The following PI4KA variants were observed in gnomAD, a reference collection of about 807,000 sequenced individuals.
The protein encoded by PI4KA is PI4-kinase alpha.
In PI4KA, 122 loss-of-function variants were observed where a neutral mutation model predicts 271.4. The observed-to-expected ratio is 0.45, with a 90% CI of 0.39 to 0.52. PI4KA has a LOEUF of 0.52. PI4KA is among the 20% of genes least tolerant of loss of function. The pLI, the probability that PI4KA is intolerant of heterozygous loss-of-function variation, is 0.00. For missense variants in PI4KA, 1,969 were observed against 2,769.1 expected, an observed-to-expected ratio of 0.71 and a Z score of 6.48; for synonymous variants, 1,041 against 1,078.8, an observed-to-expected ratio of 0.96 and a Z score of 0.69.
intron 52 of PI4KA, chr22:20,710,230 C>T (rs1925077621): frequency 1.7e-6 from 1 of 597,560 alleles, no homozygotes; most frequent in African/African-American, 1.9e-5. Flanking sequence ...GTGTCCTGCC[C>T]TGTCCCCCAC....
chr22:20,712,639 C>T (rs1335136672), intron 49 of PI4KA, 28 bp from the exon 50 acceptor site: 6 of 1,566,828 alleles, frequency 3.8e-6, no homozygotes, highest in African/African-American at 2.7e-5. Flanking sequence ...TTCTGAGGCC[C>T]GCTGGGTGCG....
chr22:20,715,984 G>A (rs1198806721), intron 45 of PI4KA, among the ~76,000 whole-genome samples: 1 of 152,034 alleles, frequency 6.6e-6, no homozygotes, highest in East Asian at 1.9e-4. Flanking sequence ...TCCACCTCCT[G>A]GGTTCAAGTG....
At chr22:20,718,642 C>A in intron 44 of PI4KA, 51 bp downstream of exon 44, 1 of 1,601,172 alleles carries the variant, frequency 6.2e-7, no homozygotes, top group Non-Finnish European at 8.5e-7. Flanking sequence ...TGTTAAGCTG[C>A]AGGGACTGGA....
At chr22:20,839,989 A>T (rs1925354702) in intron 1 of PI4KA, among the ~76,000 whole-genome samples, 1 of 152,212 alleles carries the variant, frequency 6.6e-6, no homozygotes, top group Non-Finnish European at 1.5e-5. Flanking sequence ...TAATGAGTCA[A>T]TCACTGAAGC....
At chr22:20,767,658 GGA>G (rs1429390238) in intron 19 of PI4KA, among the ~76,000 whole-genome samples, 2 of 149,044 alleles carry the variant, frequency 1.3e-5, no homozygotes, top group Non-Finnish European at 3.0e-5. Flanking sequence ...TTTTTGAGAT[GGA>G]GTCTTGCTCT....
intron 43 of PI4KA, among the ~76,000 whole-genome samples, chr22:20,719,206 T>C (rs1195114907): frequency 1.3e-5 from 2 of 151,818 alleles, no homozygotes; most frequent in Non-Finnish European, 2.9e-5. Flanking sequence ...GGTGAAGCAA[T>C]GAAAACTAAT....
chr22:20,834,827 T>C (rs1924654810), intron 2 of PI4KA, among the ~76,000 whole-genome samples, 172 bp from the exon 3 acceptor site: 1 of 152,206 alleles, frequency 6.6e-6, no homozygotes, highest in Admixed American at 6.5e-5. Flanking sequence ...TCCATTCCTG[T>C]TTTCACACTG....
chr22:20,834,423 A>G, intron 3 of PI4KA, 139 bp downstream of exon 3: 4 of 682,592 alleles, frequency 5.9e-6, no homozygotes, highest in Non-Finnish European at 1.1e-5. Flanking sequence ...CTCAGCCCAC[A>G]ATGCTGCAGG....
chr22:20,712,365 G>C, intron 50 of PI4KA, 121 bp downstream of exon 50: 1 of 1,549,668 alleles, frequency 6.5e-7, no homozygotes, highest in Non-Finnish European at 8.7e-7. Context: ...CAGGTGCCCT[G>C]GTTTTAACCC....
Position 20,798,684 on chromosome 22 carries a change from A to G in PI4KA, c.2008T>C (p.Tyr670His). 3 of 1,608,586 alleles carry G rather than the reference A, an allele frequency of 1.9e-6. No individual in the cohort carries two copies. The South Asian group carries it at 3.3e-5, about 18-fold the overall frequency. ...AGGTTCCACACTTCCTGATAGATGT[A>G]TTGCTGGGAGAGAGCAAGATGCACT... ...LGCLVITGNQ[Y>H]IYQEVWNLFQ... The change falls in exon 17 of 55, where the codon TAC (tyrosine) becomes CAC (histidine). Residue 670 changes from tyrosine (Y) to histidine (H), a missense_variant. Coordinates refer to ENST00000255882, the MANE Select transcript of PI4KA (RefSeq NM_058004.4).
At chr22:20,729,856 G>A (rs746298826) in intron 37 of PI4KA, 36 bp downstream of exon 37, 3 of 1,613,054 alleles carry the variant, frequency 1.9e-6, no homozygotes, top group Admixed American at 3.3e-5. Flanking sequence ...ATGATAGCTT[G>A]CATGTGATGG....
intron 2 of PI4KA, among the ~76,000 whole-genome samples, chr22:20,838,096 G>A (rs1171442191): frequency 1.3e-5 from 2 of 151,444 alleles, no homozygotes; most frequent in African/African-American, 2.4e-5. Flanking sequence ...ACTCCAGCCT[G>A]GGTGACAAAG....
chr22:20,712,829 G>T (rs766999450), intron 48 of PI4KA, 32 bp from the exon 49 acceptor site: 1 of 1,550,544 alleles, frequency 6.4e-7, no homozygotes, highest in African/African-American at 1.4e-5. Flanking sequence ...GATGCGGTCA[G>T]TTGGCGTCCT....
At chr22:20,798,792 A>G in intron 16 of PI4KA, 105 bp from the exon 17 acceptor site, 2 of 790,420 alleles carry the variant, frequency 2.5e-6, no homozygotes, top group South Asian at 1.4e-5. Flanking sequence ...ACAACAGCCC[A>G]AAGACTATCA....
chr22:20,719,175 G>A (rs908204641), intron 43 of PI4KA, among the ~76,000 whole-genome samples: 3 of 151,938 alleles, frequency 2.0e-5, no homozygotes, highest in African/African-American at 7.3e-5. Flanking sequence ...AAAAAAGCCC[G>A]TGTCATTTAT....
intron 19 of PI4KA, chr22:20,774,206 C>G (rs1187811526): frequency 6.6e-6 from 1 of 152,144 alleles, no homozygotes; most frequent in Non-Finnish European, 1.5e-5. Flanking sequence ...TACGGATAGG[C>G]AACTGGTTCA....
At position 20,717,971 on chromosome 22, in the gene PI4KA, G is replaced by A. The variant is rs371095208; in HGVS notation, c.5247-193C>T. 3.5e-4 allele frequency: 211 copies of A among 594,876 alleles called. 3 individuals carry two copies. In the East Asian group the frequency reaches 4.7e-3, roughly 13 times the overall value. 36.8% of individuals were successfully genotyped at this position (594,876 alleles called of 1,614,324 possible). On this transcript the variant is annotated intron_variant, in intron 44 of 54. Coordinates refer to ENST00000255882, the MANE Select transcript of PI4KA (RefSeq NM_058004.4). ...CTCATGGAGAATCCCCGACAGCCCCGGAAGGGCTGTTTTCTGGCAGGCTCT... is the reference window on the plus strand; with the variant it reads ...CTCATGGAGAATCCCCGACAGCCCCAGAAGGGCTGTTTTCTGGCAGGCTCT...
At chr22:20,846,983 T>G (rs1483963548) in intron 1 of PI4KA, among the ~76,000 whole-genome samples, 1 of 150,774 alleles carries the variant, frequency 6.6e-6, no homozygotes, top group Admixed American at 6.6e-5. Context: ...CCGTCTCTAC[T>G]AAAAATACAA....
chr22:20,843,744 C>T (rs578090387), intron 1 of PI4KA, among the ~76,000 whole-genome samples: 32 of 152,284 alleles, frequency 2.1e-4, no homozygotes, highest in African/African-American at 7.7e-4. Context: ...AAGTTAAGTG[C>T]ACCTGAGGCA....
Sources: allele counts gnomAD v4.1 joint callset (sites outside exome capture counted in the v4.1 genomes callset), GRCh38; gene constraint gnomAD v4.1.1; transcripts MANE v1.5; gene names NCBI Gene and HGNC (gene_info 2026-07-23, HGNC 2026-07-21).